The following FRMD5 variants were observed in gnomAD, a reference collection of about 807,000 sequenced individuals.
FRMD5 encodes FERM domain containing 5.
Under a neutral mutation model 69.0 loss-of-function variants are expected in FRMD5, and 20 were observed. The ratio of observed to expected loss-of-function variants is 0.29; its 90% CI spans 0.20 to 0.42. The LOEUF (loss-of-function observed/expected upper bound fraction) is 0.42, where lower values mean the gene tolerates loss of function less well. Among genes scored for constraint, FRMD5 ranks in the 10% least tolerant of loss-of-function variants. The pLI is 1.00. For missense variants in FRMD5, 595 were observed against 708.6 expected (o/e 0.84, Z 1.82); for synonymous variants, 271 against 260.1 (o/e 1.04, Z -0.40).
chr15:44,178,824 C>G (rs145641667), intron 1 of FRMD5, among the ~76,000 whole-genome samples: 2,189 of 152,216 alleles, frequency 0.014, 57 homozygotes, highest in African/African-American at 0.048. Context: ...AAAACTCTAT[C>G]TCTACTAAAA....
At chr15:44,144,374 T>C (rs1032716723) in intron 1 of FRMD5, among the ~76,000 whole-genome samples, 3 of 152,190 alleles carry the variant, frequency 2.0e-5, no homozygotes, top group Non-Finnish European at 2.9e-5. Context: ...TTATCTCTTA[T>C]CCACTGGGTG....
intron 1 of FRMD5, among the ~76,000 whole-genome samples, chr15:44,029,784 T>C: frequency 6.6e-6 from 1 of 152,156 alleles, no homozygotes; most frequent in East Asian, 1.9e-4. Context: ...TCCGATTCAG[T>C]AGGTCTGGGG....
chr15:44,127,068 T>C (rs2077033418), intron 1 of FRMD5, among the ~76,000 whole-genome samples: 1 of 152,204 alleles, frequency 6.6e-6, no homozygotes, highest in South Asian at 2.1e-4. Context: ...GAACAGAACA[T>C]GTTTCATATA....
intron 9 of FRMD5, among the ~76,000 whole-genome samples, 168 bp from the exon 10 acceptor site, chr15:43,888,434 T>C (rs564988411): frequency 6.6e-6 from 1 of 152,226 alleles, no homozygotes; most frequent in South Asian, 2.1e-4. Context: ...CATCACATCA[T>C]ACTTGGCAAG....
In FRMD5 at chr15:43,940,890, A is replaced by G. The variant is rs143886182; in HGVS notation, c.103-16581T>C. Among the ~76,000 whole-genome samples the G allele has an allele frequency of 6.8e-4, 104 of 152,344 alleles. 1 individual carries two copies. The East Asian group carries it at 0.019, about 28-fold the overall frequency. On this transcript the variant is annotated intron_variant, in intron 1 of 13. Transcript: ENST00000417257. ...CAATGACTTTGGTGAATGGGTCATT[A>G]ATATTTTCAGGGCTCTGACTACTGA...
chr15:43,891,501 G>A (rs2088791995), intron 8 of FRMD5, among the ~76,000 whole-genome samples: 2 of 152,306 alleles, frequency 1.3e-5, no homozygotes, highest in Admixed American at 6.5e-5. Context: ...GTCTGAGGAG[G>A]GTGTTTTGCC....
At chr15:44,106,550 T>C (rs1295080545) in intron 1 of FRMD5, among the ~76,000 whole-genome samples, 1 of 152,162 alleles carries the variant, frequency 6.6e-6, no homozygotes, top group Non-Finnish European at 1.5e-5. Flanking sequence ...TTTAAAATAA[T>C]TGGTTCAGTG....
chr15:44,141,416 A>G (rs1425417202), intron 1 of FRMD5, among the ~76,000 whole-genome samples: 1 of 152,208 alleles, frequency 6.6e-6, no homozygotes, highest in Non-Finnish European at 1.5e-5. Context: ...AGTCAAGTAC[A>G]TACACAGAAA....
intron 9 of FRMD5, among the ~76,000 whole-genome samples, chr15:43,888,528 C>T (rs529373854): frequency 1.5e-4 from 23 of 152,326 alleles, no homozygotes; most frequent in African/African-American, 5.1e-4. Flanking sequence ...GCCCTTGCCT[C>T]TGGAATTCCC....
At position 44,066,562 on chromosome 15, in the gene FRMD5, G is replaced by A. The variant is rs75601712; in HGVS notation, c.102+128391C>T. 3.2e-3 allele frequency among the ~76,000 whole-genome samples: 489 copies of A among 152,248 alleles called. 4 individuals are homozygous for A. Among genetic ancestry groups the A allele is most frequent in the African/African-American group, 0.011 (439 of 41,562 alleles). On this transcript the variant is annotated intron_variant, in intron 1 of 13. Coordinates refer to ENST00000417257, the MANE Select transcript of FRMD5 (RefSeq NM_032892.5). Reference sequence around the variant, plus strand: ...AACTAGTGGCAAGGGGGTGTTCACGGAAAAATGAGTTGTTCAGATCTATCA... The same window carrying A: ...AACTAGTGGCAAGGGGGTGTTCACGAAAAAATGAGTTGTTCAGATCTATCA...
intron 1 of FRMD5, chr15:44,063,458 C>T (rs1893177511): frequency 4.9e-6 from 1 of 204,768 alleles, no homozygotes; most frequent in Non-Finnish European, 1.0e-5. Context: ...TCTGCTCCTC[C>T]CGTTTGACAA....
At chr15:43,973,148 G>A (rs1209987094) in intron 1 of FRMD5, among the ~76,000 whole-genome samples, 4 of 151,710 alleles carry the variant, frequency 2.6e-5, no homozygotes, top group Non-Finnish European at 2.9e-5. Context: ...TCAGCCTCCC[G>A]AGTAGCTGGG....
intron 7 of FRMD5, among the ~76,000 whole-genome samples, chr15:43,893,971 A>G (rs972049405): frequency 2.0e-5 from 3 of 152,186 alleles, no homozygotes; most frequent in Non-Finnish European, 2.9e-5. Flanking sequence ...TATTGTTGTT[A>G]TTATCCTTTC....
At chr15:43,961,244 TACAA>T (rs1206380477) in intron 1 of FRMD5, among the ~76,000 whole-genome samples, 1 of 152,078 alleles carries the variant, frequency 6.6e-6, no homozygotes, top group Non-Finnish European at 1.5e-5. Context: ...CTCACAGAAA[TACAA>T]ACTACCATCA....
intron 1 of FRMD5, among the ~76,000 whole-genome samples, chr15:44,025,775 G>A (rs1343483746): frequency 1.3e-5 from 2 of 152,160 alleles, no homozygotes; most frequent in African/African-American, 4.8e-5. Flanking sequence ...GACAGGTGAG[G>A]AGCCTACCAC....
chr15:44,000,813 T>C (rs1343510539), intron 1 of FRMD5, among the ~76,000 whole-genome samples: 1 of 152,068 alleles, frequency 6.6e-6, no homozygotes, highest in Admixed American at 6.6e-5. Context: ...TCAAAATGGC[T>C]ATACTTTTTT....
chr15:44,117,991 C>CTTTTTTTTTTTTTTTTTT (rs747747488), intron 1 of FRMD5, among the ~76,000 whole-genome samples: 71 of 92,578 alleles, frequency 7.7e-4, no homozygotes, highest in South Asian at 1.1e-3. Flanking sequence ...TTCTTTTTTA[C>CTTTTTTTTTTTTTTTTTT]TTTTTTTTTT....
At chr15:43,981,472 G>A (rs2090547769) in intron 1 of FRMD5, among the ~76,000 whole-genome samples, 1 of 152,198 alleles carries the variant, frequency 6.6e-6, no homozygotes, top group East Asian at 1.9e-4. Context: ...GGGAGTAGCA[G>A]AGATGGAAGA....
At chr15:43,911,519 G>A (rs537687330) in intron 4 of FRMD5, among the ~76,000 whole-genome samples, 1 of 152,290 alleles carries the variant, frequency 6.6e-6, no homozygotes, top group East Asian at 1.9e-4. Flanking sequence ...CCCACCTCCA[G>A]TCAAGCCTGT....
Sources: gnomAD v4.1 joint callset for allele counts (sites outside exome capture counted in the v4.1 genomes callset) on GRCh38, gnomAD v4.1.1 for gene constraint, MANE v1.5 for transcripts, NCBI Gene and HGNC (gene_info 2026-07-23, HGNC 2026-07-21) for gene names.